PCDH9: variants seen among roughly 807,000 people sequenced by gnomAD.
PCDH9 encodes the protein protocadherin-9.
Under a neutral mutation model 70.6 loss-of-function variants are expected in PCDH9, and 24 were observed. The observed-to-expected ratio is 0.34, with a 90% CI of 0.25 to 0.48. The LOEUF (loss-of-function observed/expected upper bound fraction) is 0.48. PCDH9 is among the 20% of genes least tolerant of loss of function. The pLI, the probability that PCDH9 is intolerant of heterozygous loss-of-function variation, is 0.99. For synonymous variants in PCDH9, 562 were observed against 558.5 expected, an observed-to-expected ratio of 1.01 and a Z score of -0.09; for missense variants, 1,281 against 1,503.6, an observed-to-expected ratio of 0.85 and a Z score of 2.45.
chr13:66,797,372 T>C (rs574022206), intron 3 of PCDH9, among the ~76,000 whole-genome samples: 1 of 152,160 alleles, frequency 6.6e-6, no homozygotes, highest in South Asian at 2.1e-4. Flanking sequence ...TCTAAATATA[T>C]GTAGGATTCC....
intron 2 of PCDH9, among the ~76,000 whole-genome samples, chr13:67,173,117 T>C (rs1225248436): frequency 6.6e-6 from 1 of 151,830 alleles, no homozygotes; most frequent in Non-Finnish European, 1.5e-5. Flanking sequence ...TAAGCATAAA[T>C]CAAAGGAAGG....
intron 4 of PCDH9, among the ~76,000 whole-genome samples, chr13:66,384,840 T>G (rs1206264606): frequency 6.7e-6 from 1 of 149,222 alleles, no homozygotes; most frequent in Non-Finnish European, 1.5e-5. Flanking sequence ...AATTTTTTTT[T>G]GTATTTTTAG....
intron 4 of PCDH9, among the ~76,000 whole-genome samples, chr13:66,625,561 T>TGATAATAAC (rs1399023239): frequency 6.6e-6 from 1 of 152,188 alleles, no homozygotes; most frequent in Non-Finnish European, 1.5e-5. Context: ...CAATTATTTT[T>TGATAATAAC]GATAATAACT....
At chr13:66,764,875 GA>G (rs1245407143) in intron 3 of PCDH9, among the ~76,000 whole-genome samples, 1 of 151,632 alleles carries the variant, frequency 6.6e-6, no homozygotes, top group Non-Finnish European at 1.5e-5. Context: ...TACAACAAAA[GA>G]AAAAATACAT....
At chr13:66,683,402 T>C (rs769263442) in intron 3 of PCDH9, among the ~76,000 whole-genome samples, 20 of 152,108 alleles carry the variant, frequency 1.3e-4, no homozygotes, top group Non-Finnish European at 2.9e-4. Flanking sequence ...TTGAGAGAAA[T>C]GTTCAAATGT....
chr13:66,962,817 G>T lies in PCDH9; in HGVS notation c.3037-59212C>A, dbSNP rs527434136. Among the ~76,000 whole-genome samples, 6 of 152,234 alleles carry T rather than the reference G, an allele frequency of 3.9e-5. No individual in the cohort carries two copies. In the East Asian group the frequency reaches 1.2e-3, roughly 29 times the overall value. ...ACCATTTTCGTAGAGAATTTCCCATGGATTGGGGTTGGGGGCCAGGGGTAT... is the reference window on the plus strand; with the variant it reads ...ACCATTTTCGTAGAGAATTTCCCATTGATTGGGGTTGGGGGCCAGGGGTAT... On this transcript the variant is annotated intron_variant, in intron 2 of 4. Coordinates refer to ENST00000377865, the MANE Select transcript of PCDH9 (RefSeq NM_203487.3).
chr13:67,094,640 C>T (rs2086283996), intron 2 of PCDH9, among the ~76,000 whole-genome samples: 1 of 151,466 alleles, frequency 6.6e-6, no homozygotes, highest in Admixed American at 6.6e-5. Flanking sequence ...CCAAGAAGGA[C>T]TTCTGACATT....
intron 4 of PCDH9, among the ~76,000 whole-genome samples, chr13:66,492,550 T>C (rs1365810976): frequency 6.6e-6 from 1 of 151,074 alleles, no homozygotes; most frequent in Non-Finnish European, 1.5e-5. Context: ...GAATGATGAA[T>C]ACATGGGTGG....
chr13:66,750,991 G>T (rs888467121), intron 3 of PCDH9, among the ~76,000 whole-genome samples: 3 of 152,126 alleles, frequency 2.0e-5, no homozygotes, highest in Non-Finnish European at 4.4e-5. Flanking sequence ...TCAGAAACGG[G>T]CCATTTTAAT....
At chr13:66,653,701 C>T (rs1008341799) in intron 3 of PCDH9, among the ~76,000 whole-genome samples, 3 of 152,076 alleles carry the variant, frequency 2.0e-5, no homozygotes, top group African/African-American at 7.2e-5. Context: ...GGCACGGTGG[C>T]TCATGCCTAT....
chr13:66,603,490 G>T (rs2077186733), intron 4 of PCDH9, among the ~76,000 whole-genome samples: 1 of 151,818 alleles, frequency 6.6e-6, no homozygotes, highest in Admixed American at 6.6e-5. Flanking sequence ...ATTGTTCAAT[G>T]GATTTAATGT....
intron 2 of PCDH9, among the ~76,000 whole-genome samples, chr13:66,989,311 C>T (rs75211945): frequency 0.015 from 2,266 of 151,910 alleles, 61 homozygotes; most frequent in African/African-American, 0.05. Flanking sequence ...ATCTGGCCCA[C>T]CAAAATCCCA....
intron 2 of PCDH9, among the ~76,000 whole-genome samples, chr13:67,131,138 TTTAC>T (rs1240461592): frequency 6.6e-6 from 1 of 152,226 alleles, no homozygotes; most frequent in Non-Finnish European, 1.5e-5. Context: ...GCATGTTTAC[TTTAC>T]TTATAGTTTG....
At chr13:66,721,834 G>C (rs1216816383) in intron 3 of PCDH9, among the ~76,000 whole-genome samples, 1 of 152,046 alleles carries the variant, frequency 6.6e-6, no homozygotes, top group Non-Finnish European at 1.5e-5. Context: ...CCCTTCCACT[G>C]TCTCCTGTTA....
In PCDH9 at chr13:66,701,692, A is replaced by AT. The variant is rs150775643; in HGVS notation, c.3139-70282dup. 5.3e-3 allele frequency among the ~76,000 whole-genome samples: 806 copies of AT among 151,734 alleles called. 6 individuals carry two copies. Among genetic ancestry groups the AT allele is most frequent in the African/African-American group, 0.018 (754 of 41,394 alleles). ...ATTGCTATTGTTTGGTTTTGTTTGTATTTTTTTTCAGTAACAAGATAATTT... is the reference window on the plus strand; with the variant it reads ...ATTGCTATTGTTTGGTTTTGTTTGTATTTTTTTTTCAGTAACAAGATAATTT... On this transcript the variant is annotated intron_variant, in intron 3 of 4. Coordinates refer to ENST00000377865, the MANE Select transcript of PCDH9 (RefSeq NM_203487.3).
At chr13:67,065,348 A>G (rs2085626353) in intron 2 of PCDH9, among the ~76,000 whole-genome samples, 1 of 152,194 alleles carries the variant, frequency 6.6e-6, no homozygotes, top group Non-Finnish European at 1.5e-5. Context: ...GAATACATGA[A>G]AACAAATACT....
chr13:66,868,398 C>T (rs925706160), intron 3 of PCDH9, among the ~76,000 whole-genome samples: 31 of 151,896 alleles, frequency 2.0e-4, no homozygotes, highest in African/African-American at 6.8e-4. Context: ...TAATGAAATA[C>T]TAGAATCATT....
chr13:67,007,610 C>G (rs1246952402), intron 2 of PCDH9, among the ~76,000 whole-genome samples: 1 of 152,064 alleles, frequency 6.6e-6, no homozygotes, highest in African/African-American at 2.4e-5. Context: ...ACTCATTCAG[C>G]AAAAAGTTGT....
At chr13:67,156,689 C>G (rs2087822429) in intron 2 of PCDH9, among the ~76,000 whole-genome samples, 2 of 152,188 alleles carry the variant, frequency 1.3e-5, no homozygotes, top group Admixed American at 1.3e-4. Context: ...AGAAAGCCCT[C>G]TGTCCTTGAG....
Sources: allele counts gnomAD v4.1 joint callset (sites outside exome capture counted in the v4.1 genomes callset), GRCh38; gene constraint gnomAD v4.1.1; transcripts MANE v1.5; gene names NCBI Gene and HGNC (gene_info 2026-07-23, HGNC 2026-07-21).